The following PDE1C variants were observed in gnomAD, a reference collection of about 807,000 sequenced individuals.
PDE1C encodes the protein dual specificity calcium/calmodulin-dependent 3',5'-cyclic nucleotide phosphodiesterase 1C.
PDE1C carries 62 observed loss-of-function variants against 93.1 expected under a neutral mutation model. The observed-to-expected ratio is 0.67, with a 90% CI of 0.54 to 0.82. The LOEUF (loss-of-function observed/expected upper bound fraction) is 0.82. PDE1C is among the 40% of genes least tolerant of loss of function. PDE1C has a pLI of 0.00. For synonymous variants in PDE1C, 325 were observed against 310.1 expected (o/e 1.05, Z -0.50); for missense variants, 742 against 884.6 (o/e 0.84, Z 2.04).
intron 1 of PDE1C, among the ~76,000 whole-genome samples, chr7:32,272,565 A>G (rs184795110): frequency 6.6e-6 from 1 of 152,368 alleles, no homozygotes; most frequent in East Asian, 1.9e-4. Context: ...TGACCAGCAA[A>G]ATATTAAAAA....
chr7:31,729,672 C>G, the PDE1C span, among the ~76,000 whole-genome samples: 1 of 152,126 alleles, frequency 6.6e-6, no homozygotes, highest in African/African-American at 2.4e-5. Context: ...GACTGCACAC[C>G]AGGCCCAAAT....
intron 2 of PDE1C, among the ~76,000 whole-genome samples, chr7:32,032,152 C>T (rs1790414770): frequency 6.6e-6 from 1 of 152,110 alleles, no homozygotes; most frequent in South Asian, 2.1e-4. Context: ...CTGTTATAAT[C>T]ACATGTGTTC....
intron 3 of PDE1C, among the ~76,000 whole-genome samples, chr7:32,152,569 C>T (rs1197541533): frequency 1.3e-5 from 2 of 152,164 alleles, no homozygotes; most frequent in Non-Finnish European, 2.9e-5. Flanking sequence ...CTACTCAGGG[C>T]CCCTCTTTTA....
chr7:32,059,708 A>G (rs1436723668), intron 1 of PDE1C, among the ~76,000 whole-genome samples: 1 of 152,182 alleles, frequency 6.6e-6, no homozygotes, highest in Admixed American at 6.5e-5. Context: ...TAGCAAACCA[A>G]ACACAATTTC....
chr7:31,850,044 G>A (rs1057287048), intron 8 of PDE1C, among the ~76,000 whole-genome samples: 16 of 152,048 alleles, frequency 1.1e-4, no homozygotes, highest in African/African-American at 3.6e-4. Flanking sequence ...TGTCTCCGAC[G>A]GGAGGTTTGT....
chr7:31,741,034 C>T, the PDE1C span, among the ~76,000 whole-genome samples: 1 of 147,174 alleles, frequency 6.8e-6, no homozygotes, highest in Non-Finnish European at 1.5e-5. Flanking sequence ...TGCACTCCAG[C>T]CTGGCCAACA....
Position 31,823,252 on chromosome 7 carries a change from G to T in PDE1C, c.1407-4C>A. ...TGACGAGCTGATGCTATTCAAACTG[G>T]AAAACAAAAAAATCATACCAAAGAA... On this transcript the variant is annotated splice_region_variant and splice_polypyrimidine_tract_variant and intron_variant, in intron 13 of 17. Coordinates refer to ENST00000396191, the MANE Select transcript of PDE1C (RefSeq NM_001191057.4). The T allele has an allele frequency of 6.3e-7, 1 of 1,595,262 alleles. No homozygotes were observed. Among genetic ancestry groups the T allele is most frequent in the Non-Finnish European group, 8.5e-7 (1 of 1,173,778 alleles).
chr7:32,060,020 C>CAAGCT (rs1214177460), intron 1 of PDE1C, among the ~76,000 whole-genome samples: 3 of 152,080 alleles, frequency 2.0e-5, no homozygotes, highest in African/African-American at 7.2e-5. Flanking sequence ...AAGCTAAAAG[C>CAAGCT]AAAACTATCT....
intron 2 of PDE1C, among the ~76,000 whole-genome samples, chr7:32,039,444 T>C (rs1007075447): frequency 2.0e-5 from 3 of 152,216 alleles, no homozygotes; most frequent in African/African-American, 7.2e-5. Context: ...TATGATCTAA[T>C]GGTGGAACAC....
At chr7:31,936,153 A>G (rs1295696772) in intron 2 of PDE1C, among the ~76,000 whole-genome samples, 1 of 152,208 alleles carries the variant, frequency 6.6e-6, no homozygotes, top group Non-Finnish European at 1.5e-5. Flanking sequence ...GTATATTTTT[A>G]TAAAGATCTA....
intron 1 of PDE1C, among the ~76,000 whole-genome samples, chr7:32,311,384 A>G (rs991997104): frequency 6.6e-5 from 10 of 152,370 alleles, no homozygotes; most frequent in Non-Finnish European, 1.3e-4. Context: ...AAACGAGGGA[A>G]TCCTCCCTAA....
At chr7:31,950,125 T>G (rs540732496) in intron 2 of PDE1C, among the ~76,000 whole-genome samples, 24 of 152,344 alleles carry the variant, frequency 1.6e-4, no homozygotes, top group South Asian at 4.1e-4. Context: ...TAACAGTTAA[T>G]TAGCATAGTC....
chr7:31,684,535 A>G, the PDE1C span, among the ~76,000 whole-genome samples: 1 of 152,204 alleles, frequency 6.6e-6, no homozygotes, highest in African/African-American at 2.4e-5. Flanking sequence ...AAGAACTAGT[A>G]TCTGGAATAT....
intron 1 of PDE1C, among the ~76,000 whole-genome samples, chr7:32,278,806 G>C (rs1279598506): frequency 1.3e-5 from 2 of 152,174 alleles, no homozygotes; most frequent in Non-Finnish European, 2.9e-5. Flanking sequence ...AAAGCTTCTT[G>C]AATTTGTTGT....
At chr7:32,147,258 AAG>A (rs1800904854) in intron 3 of PDE1C, among the ~76,000 whole-genome samples, 1 of 91,098 alleles carries the variant, frequency 1.1e-5, no homozygotes, top group African/African-American at 4.3e-5. Context: ...AAAGAAAAGA[AAG>A]AAAGAAAGAA....
chr7:31,697,098 C>T, the PDE1C span: 12 of 1,613,942 alleles, frequency 7.4e-6, no homozygotes, highest in Non-Finnish European at 1.0e-5. Flanking sequence ...CTGCCCTGCA[C>T]ATGTCCCCCT....
intron 1 of PDE1C, among the ~76,000 whole-genome samples, chr7:32,378,692 C>T (rs1784476252): frequency 6.6e-6 from 1 of 152,182 alleles, no homozygotes; most frequent in South Asian, 2.1e-4. Flanking sequence ...ACTAGACCCA[C>T]CCCATCCAGA....
chr7:31,750,118 T>C (rs1794090858), downstream of PDE1C, among the ~76,000 whole-genome samples: 1 of 152,176 alleles, frequency 6.6e-6, no homozygotes, highest in Non-Finnish European at 1.5e-5. Context: ...TGCAGTTGAC[T>C]TGTGTTAGTG....
chr7:32,390,793 T>C (rs1392260392), intron 1 of PDE1C, among the ~76,000 whole-genome samples: 2 of 151,960 alleles, frequency 1.3e-5, no homozygotes, highest in Non-Finnish European at 2.9e-5. Context: ...GTCGAGACTG[T>C]AGTGAACCAT....
Sources: gnomAD v4.1 joint callset for allele counts (sites outside exome capture counted in the v4.1 genomes callset) on GRCh38, gnomAD v4.1.1 for gene constraint, MANE v1.5 for transcripts, NCBI Gene and HGNC (gene_info 2026-07-23, HGNC 2026-07-21) for gene names.